Variants in RBPJ observed in about 807,000 individuals in gnomAD.
RBPJ encodes recombining binding protein suppressor of hairless.
RBPJ carries 9 observed loss-of-function variants against 67.8 expected under a neutral mutation model. The ratio of observed to expected loss-of-function variants is 0.13; its 90% CI spans 0.08 to 0.23. The LOEUF is 0.23. RBPJ is among the 10% of genes least tolerant of loss of function. The pLI is 1.00. For synonymous variants in RBPJ, 198 were observed against 203.3 expected, an observed-to-expected ratio of 0.97 and a Z score of 0.22; for missense variants, 305 against 595.6, an observed-to-expected ratio of 0.51 and a Z score of 5.08.
rs897964346 is a variant in RBPJ at position 26,431,184 on chromosome 4, TAAAAAAAAAAAAA to T, written c.*192_*204del. 9.1e-4 allele frequency: 37 copies of T among 40,792 alleles called. 1 individual carries two copies. In the South Asian group the frequency reaches 0.026, roughly 28 times the overall value. 2.5% of individuals were successfully genotyped at this position (40,792 alleles called of 1,614,324 possible). A position where few individuals can be genotyped will look rare whatever the true frequency, so the allele number is the denominator to read the frequency against. ...CTGATTTGAAATGCAGAAGCCACAGTAAAAAAAAAAAAAAAAAAAAAAAAAAAGAAAAAAAAAT... is the reference window on the plus strand; with the variant it reads ...CTGATTTGAAATGCAGAAGCCACAGTAAAAAAAAAAAAAAGAAAAAAAAAT... On this transcript the variant is annotated 3_prime_UTR_variant, in exon 11 of 11. Transcript: ENST00000355476.
At chr4:26,189,257 T>C (rs1717389841) in intron 1 of RBPJ, among the ~76,000 whole-genome samples, 1 of 152,156 alleles carries the variant, frequency 6.6e-6, no homozygotes, top group South Asian at 2.1e-4. Flanking sequence ...TTAGCCCTCA[T>C]GCTCAAACTT....
intron 1 of RBPJ, among the ~76,000 whole-genome samples, chr4:26,364,810 A>G (rs1255401345): frequency 6.6e-6 from 1 of 151,382 alleles, no homozygotes; most frequent in Non-Finnish European, 1.5e-5. Context: ...TATTTTTAGT[A>G]GAGACGGGGT....
the RBPJ span, among the ~76,000 whole-genome samples, chr4:26,131,034 A>G: frequency 6.6e-6 from 1 of 152,196 alleles, no homozygotes; most frequent in Admixed American, 6.5e-5. Context: ...CCACGTGAGG[A>G]TTGATTCTCC....
At chr4:26,136,562 G>GC in the RBPJ span, among the ~76,000 whole-genome samples, 11 of 152,164 alleles carry the variant, frequency 7.2e-5, no homozygotes, top group Non-Finnish European at 1.0e-4. Context: ...CCCCATCCCT[G>GC]CCCCCATGCC....
chr4:26,345,642 C>T (rs974429818), intron 1 of RBPJ, among the ~76,000 whole-genome samples: 3 of 152,190 alleles, frequency 2.0e-5, no homozygotes, highest in South Asian at 2.1e-4. Context: ...TGAGAGGAAT[C>T]GCCTGGTAGC....
chr4:26,314,127 G>A (rs1291118391), intron 1 of RBPJ, among the ~76,000 whole-genome samples: 2 of 151,868 alleles, frequency 1.3e-5, no homozygotes, highest in Non-Finnish European at 2.9e-5. Context: ...ACACATATAC[G>A]CAAATAAGTA....
At chr4:26,176,686 G>A (rs910867693) in intron 1 of RBPJ, among the ~76,000 whole-genome samples, 1 of 152,216 alleles carries the variant, frequency 6.6e-6, no homozygotes, top group East Asian at 1.9e-4. Flanking sequence ...AGTGGTAGAT[G>A]AGATCATGGG....
At chr4:26,396,373 G>A (rs1428095907) in intron 2 of RBPJ, among the ~76,000 whole-genome samples, 1 of 152,184 alleles carries the variant, frequency 6.6e-6, no homozygotes, top group Admixed American at 6.5e-5. Flanking sequence ...ATGGAGTAGA[G>A]TAGGAAGAGA....
intron 8 of RBPJ, 109 bp downstream of exon 8, chr4:26,428,969 G>A (rs1735950117): frequency 1.3e-6 from 1 of 763,542 alleles, no homozygotes; most frequent in Non-Finnish European, 2.2e-6. Context: ...AATACATGAA[G>A]CTATACACAG....
the RBPJ span, among the ~76,000 whole-genome samples, chr4:26,109,558 CCTCTCTCT>C: frequency 3.3e-5 from 1 of 30,110 alleles, no homozygotes; most frequent in Non-Finnish European, 6.2e-5. Flanking sequence ...TGTCCACCTT[CCTCTCTCT>C]CTCTCTCTCT....
rs1736220019 is a variant in RBPJ, at chr4:26,431,337, A to G, written c.*330A>G. The G allele has an allele frequency of 4.3e-6, 1 of 233,712 alleles. No homozygotes were observed. Among genetic ancestry groups the G allele is most frequent in the Non-Finnish European group, 8.4e-6 (1 of 119,150 alleles). The allele number at this position is 233,712 out of a possible 1,614,324, so 14.5% of individuals were successfully genotyped here. A position where few individuals can be genotyped will look rare whatever the true frequency, so the allele number is the denominator to read the frequency against. Reference sequence around the variant, plus strand: ...AAGTAAATAATGTGGCTGGAATACAAGTTGAACAAACTAGAAGACACAAAT... The same window carrying G: ...AAGTAAATAATGTGGCTGGAATACAGGTTGAACAAACTAGAAGACACAAAT... On this transcript the variant is annotated 3_prime_UTR_variant, in exon 11 of 11. Transcript: ENST00000355476.
At chr4:26,197,250 G>A (rs1717801339) in intron 1 of RBPJ, among the ~76,000 whole-genome samples, 1 of 152,080 alleles carries the variant, frequency 6.6e-6, no homozygotes, top group Non-Finnish European at 1.5e-5. Flanking sequence ...TCAGCACTTG[G>A]GGAAACAGCA....
At chr4:26,215,222 GA>G (rs1718652632) in intron 1 of RBPJ, among the ~76,000 whole-genome samples, 2 of 17,938 alleles carry the variant, frequency 1.1e-4, no homozygotes, top group Non-Finnish European at 2.2e-4. Context: ...AAGAGAAAAA[GA>G]GAGAAAAGAG....
At chr4:26,270,360 A>AGAAG (rs1491408608) in intron 1 of RBPJ, among the ~76,000 whole-genome samples, 25 of 15,436 alleles carry the variant, frequency 1.6e-3, no homozygotes, top group African/African-American at 6.9e-3. Context: ...AGCAAGAGAA[A>AGAAG]GAAAGAAAGA....
chr4:26,387,075 T>C (rs1156413033), intron 2 of RBPJ, among the ~76,000 whole-genome samples: 1 of 152,186 alleles, frequency 6.6e-6, no homozygotes, highest in Non-Finnish European at 1.5e-5. Flanking sequence ...TCTATCATTG[T>C]TCTACACCTT....
intron 1 of RBPJ, among the ~76,000 whole-genome samples, chr4:26,291,984 T>A (rs1187761845): frequency 6.6e-6 from 1 of 150,952 alleles, no homozygotes; most frequent in Non-Finnish European, 1.5e-5. Context: ...ATGTGACGAT[T>A]TGATATATGT....
chr4:26,347,312 G>A (rs753244678), intron 1 of RBPJ, among the ~76,000 whole-genome samples: 16 of 152,180 alleles, frequency 1.1e-4, no homozygotes, highest in Non-Finnish European at 2.1e-4. Context: ...CCTTGGGAGT[G>A]GGCAATATCT....
intron 1 of RBPJ, among the ~76,000 whole-genome samples, chr4:26,306,438 A>AATTATT (rs556823125): frequency 0.044 from 6,463 of 147,130 alleles, 323 homozygotes; most frequent in African/African-American, 0.13. Flanking sequence ...TTATTTGGAG[A>AATTATT]ATTATTATTA....
At chr4:26,330,686 A>G (rs1311178839) in intron 1 of RBPJ, among the ~76,000 whole-genome samples, 1 of 152,202 alleles carries the variant, frequency 6.6e-6, no homozygotes, top group Non-Finnish European at 1.5e-5. Context: ...GTGAGGCATG[A>G]TGGTTTGATT....
Sources: gnomAD v4.1 joint callset for allele counts (sites outside exome capture counted in the v4.1 genomes callset) on GRCh38, gnomAD v4.1.1 for gene constraint, MANE v1.5 for transcripts, NCBI Gene and HGNC (gene_info 2026-07-23, HGNC 2026-07-21) for gene names.